The following MYO7A variants were observed in gnomAD, a reference collection of about 807,000 sequenced individuals.
MYO7A encodes the protein myosin VIIA.
In MYO7A, 210 loss-of-function variants were observed where a neutral mutation model predicts 263.8. The ratio of observed to expected loss-of-function variants is 0.80; its 90% CI spans 0.71 to 0.89. The LOEUF is 0.89. MYO7A is among the 40% of genes least tolerant of loss of function. The pLI is 0.00. For missense variants in MYO7A, 2,820 were observed against 2,968.3 expected (o/e 0.95, Z 1.16); for synonymous variants, 1,239 against 1,197.3 (o/e 1.03, Z -0.72).
rs986964276 is a variant in MYO7A at position 77,214,811 on chromosome 11, G to C, written c.*115G>C. 2 of 857,798 alleles carry C rather than the reference G, an allele frequency of 2.3e-6. No homozygotes were observed. Among genetic ancestry groups the C allele is most frequent in the South Asian group, 3.4e-5 (2 of 59,102 alleles). 53.1% of individuals were successfully genotyped at this position (857,798 alleles called of 1,614,324 possible). A position where few individuals can be genotyped will look rare whatever the true frequency, so the allele number is the denominator to read the frequency against. ...TATGCCATCCCGGCAGCGAGGCTGG[G>C]CTGGCCAGCCACCACTGACTATACC... On this transcript the variant is annotated 3_prime_UTR_variant, in exon 49 of 49. Transcript: ENST00000409709.
chr11:77,171,437 A>C (rs1304663199), intron 15 of MYO7A, among the ~76,000 whole-genome samples: 1 of 152,200 alleles, frequency 6.6e-6, no homozygotes, highest in Admixed American at 6.5e-5. Flanking sequence ...AATACTCCCC[A>C]GCTTCTCTGG....
intron 27 of MYO7A, chr11:77,185,060 A>G: frequency 2.4e-6 from 1 of 424,044 alleles, no homozygotes. Context: ...GAAGTATGAA[A>G]TAGCATTATG....
At chr11:77,147,682 T>C (rs1555054427) in intron 3 of MYO7A, 116 bp from the exon 4 acceptor site, 5 of 1,358,432 alleles carry the variant, frequency 3.7e-6, no homozygotes, top group Non-Finnish European at 2.0e-6. Flanking sequence ...GCCAGAGAGG[T>C]CGAGGCCCTT....
At chr11:77,213,060 G>T (rs991374897) in intron 47 of MYO7A, 25 bp downstream of exon 47, 1 of 1,545,592 alleles carries the variant, frequency 6.5e-7, no homozygotes, top group Non-Finnish European at 8.8e-7. Context: ...GGCAGCAAGT[G>T]GGGGCGGGCT....
intron 38 of MYO7A, 51 bp downstream of exon 38, chr11:77,203,268 C>A: frequency 6.5e-7 from 1 of 1,530,066 alleles, no homozygotes; most frequent in Non-Finnish European, 8.8e-7. Context: ...CGGGCAGGGC[C>A]TTCGTCTGCA....
rs1555051432 is a variant in MYO7A, at chr11:77,142,727, G to C, written c.37G>C (p.Asp13His). The C allele has an allele frequency of 2.0e-5, 33 of 1,610,916 alleles. No homozygotes were observed. The highest frequency in any genetic ancestry group is 2.7e-5 in the Non-Finnish European group (32 of 1,178,844). Residue 13 changes from aspartate (D) to histidine (H), a missense_variant, in exon 3 of 49, where the codon GAC becomes CAC. By Grantham distance (81) the Asp-to-His change is moderately conservative (BLOSUM62 -1). Transcript: ENST00000409709. ...ILQQGDHVWM[D>H]LRLGQEFDVP... ...CCCATAGGGGGACCATGTGTGGATGGACCTGAGATTGGGGCAGGAGTTCGA... is the reference window on the plus strand; with the variant it reads ...CCCATAGGGGGACCATGTGTGGATGCACCTGAGATTGGGGCAGGAGTTCGA...
Position 77,162,326 on chromosome 11 carries a change from C to T in MYO7A, c.1550C>T (p.Pro517Leu). 6.4e-7 allele frequency: 1 copy of T among 1,551,426 alleles called. No homozygotes were observed. ...CTCATCGATGAGGAGAGCAAGTTCC[C>T]CAAGGTGGGCCGGTCCTGCTGCCGC... ...ISLIDEESKF[P>L]KGTDTTMLHK... Residue 517 changes from proline (P) to leucine (L), a missense_variant, in exon 13 of 49, where the codon CCC becomes CTC. Pro to Leu is a moderately conservative substitution (Grantham distance 98). Transcript: ENST00000409709.
At chr11:77,156,151 G>T (rs558582416) in intron 5 of MYO7A, 60 bp downstream of exon 5, 2 of 1,565,780 alleles carry the variant, frequency 1.3e-6, no homozygotes, top group Non-Finnish European at 8.7e-7. Context: ...CCAACTGTGC[G>T]CTCCTGCTGA....
At chr11:77,169,477 G>A (rs904792427) in intron 15 of MYO7A, among the ~76,000 whole-genome samples, 2 of 152,188 alleles carry the variant, frequency 1.3e-5, no homozygotes, top group Admixed American at 6.5e-5. Flanking sequence ...TTCATGTCAC[G>A]CTCTGGGGTC....
In MYO7A at chr11:77,181,903, G is replaced by A. The variant is rs782696172; in HGVS notation, c.2905-48G>A. 9 of 1,580,722 alleles carry A rather than the reference G, an allele frequency of 5.7e-6. No individual in the cohort carries two copies. In the Middle Eastern group the frequency reaches 7.1e-4, roughly 124 times the overall value. ...GGGCTCAGGCGATCCTCCCACCTGAGCTTCCTGAGTAGCTGGGACTCCAGG... is the reference window on the plus strand; with the variant it reads ...GGGCTCAGGCGATCCTCCCACCTGAACTTCCTGAGTAGCTGGGACTCCAGG... On this transcript the variant is annotated intron_variant, in intron 23 of 48. Coordinates refer to ENST00000409709, the MANE Select transcript of MYO7A (RefSeq NM_000260.4).
chr11:77,203,265 G>C (rs1200062454), intron 38 of MYO7A, 48 bp downstream of exon 38: 1 of 1,532,864 alleles, frequency 6.5e-7, no homozygotes, highest in Non-Finnish European at 8.8e-7. Flanking sequence ...GACCGGGCAG[G>C]GCCTTCGTCT....
chr11:77,133,212 T>C (rs544277249), intron 2 of MYO7A, among the ~76,000 whole-genome samples: 1 of 152,238 alleles, frequency 6.6e-6, no homozygotes, highest in South Asian at 2.1e-4. Flanking sequence ...CTCATGAACA[T>C]ACAGGGACTG....
At chr11:77,152,615 T>A (rs555109370) in intron 4 of MYO7A, among the ~76,000 whole-genome samples, 3 of 152,052 alleles carry the variant, frequency 2.0e-5, no homozygotes, top group Admixed American at 2.0e-4. Flanking sequence ...GGTGACAACC[T>A]GCCCTGTACT....
intron 4 of MYO7A, among the ~76,000 whole-genome samples, chr11:77,150,176 G>T (rs60704731): frequency 6.6e-6 from 1 of 152,224 alleles, no homozygotes; most frequent in South Asian, 2.1e-4. Flanking sequence ...GGAGGGCCCC[G>T]TCTCAGGGGA....
intron 42 of MYO7A, among the ~76,000 whole-genome samples, chr11:77,208,205 T>TC (rs1957592182): frequency 6.6e-6 from 1 of 152,114 alleles, no homozygotes; most frequent in South Asian, 2.1e-4. Flanking sequence ...GCGTTCAGTG[T>TC]CCCAGGCACT....
intron 27 of MYO7A, 30 bp from the exon 28 acceptor site, chr11:77,189,314 T>TC: frequency 1.2e-6 from 2 of 1,611,124 alleles, no homozygotes; most frequent in Non-Finnish European, 8.5e-7. Context: ...GTGGGGTGAT[T>TC]CCCCCTCCCT....
At chr11:77,182,630 CCCT>C in intron 25 of MYO7A, 30 bp downstream of exon 25, 1 of 1,610,270 alleles carries the variant, frequency 6.2e-7, no homozygotes, top group East Asian at 2.2e-5. Context: ...TGGATGATGT[CCCT>C]CCCAGGCCGA....
intron 16 of MYO7A, among the ~76,000 whole-genome samples, chr11:77,173,628 G>A (rs1954345645): frequency 6.6e-6 from 1 of 152,148 alleles, no homozygotes; most frequent in Non-Finnish European, 1.5e-5. Context: ...TGTTTACCCA[G>A]AGGCCTGCAG....
intron 19 of MYO7A, 139 bp downstream of exon 19, chr11:77,177,782 C>T (rs1447286879): frequency 1.5e-6 from 1 of 657,248 alleles, no homozygotes; most frequent in African/African-American, 1.8e-5. Context: ...ACATGCATGG[C>T]ATGCACACAT....
Sources: gnomAD v4.1 joint callset for allele counts (sites outside exome capture counted in the v4.1 genomes callset) on GRCh38, gnomAD v4.1.1 for gene constraint, MANE v1.5 for transcripts, NCBI Gene and HGNC (gene_info 2026-07-23, HGNC 2026-07-21) for gene names.